Variants in LDHB observed in about 807,000 individuals in gnomAD.
The protein encoded by LDHB is lactate dehydrogenase B.
Under a neutral mutation model 33.4 loss-of-function variants are expected in LDHB, and 18 were observed. The ratio of observed to expected loss-of-function variants is 0.54; its 90% CI spans 0.37 to 0.80. LDHB has a LOEUF of 0.80. Ranked by LOEUF, LDHB falls within the 30% of genes least tolerant of loss-of-function variation. The pLI, the probability that LDHB is intolerant of heterozygous loss-of-function variation, is 0.00. For missense variants in LDHB, 345 were observed against 407.9 expected (o/e 0.85, Z 1.33); for synonymous variants, 121 against 140.6 (o/e 0.86, Z 0.98).
intron 2 of LDHB, among the ~76,000 whole-genome samples, chr12:21,648,075 A>C (rs1355325820): frequency 6.6e-6 from 1 of 152,224 alleles, no homozygotes; most frequent in Non-Finnish European, 1.5e-5. Context: ...GCATCTAAGC[A>C]ACCTTTCAGC....
chr12:21,639,639 A>G lies in LDHB; in HGVS notation c.596-1169T>C, dbSNP rs140513189. 9.9e-5 allele frequency among the ~76,000 whole-genome samples: 15 copies of G among 152,204 alleles called. No individual in the cohort carries two copies. In the East Asian group the frequency reaches 2.9e-3, roughly 29 times the overall value. On this transcript the variant is annotated intron_variant, in intron 5 of 7. Coordinates refer to ENST00000350669, the MANE Select transcript of LDHB (RefSeq NM_002300.8). ...ACTTTTTACATAGTACATAGGTGGCATAATTATCTTTATTTTATAGATGAG... is the reference window on the plus strand; with the variant it reads ...ACTTTTTACATAGTACATAGGTGGCGTAATTATCTTTATTTTATAGATGAG...
At chr12:21,637,623 G>A (rs1938253371) in intron 6 of LDHB, among the ~76,000 whole-genome samples, 1 of 152,060 alleles carries the variant, frequency 6.6e-6, no homozygotes, top group Non-Finnish European at 1.5e-5. Flanking sequence ...AGGGATAAGA[G>A]TATCTTGCCT....
At chr12:21,644,251 G>A (rs1591830529) in intron 3 of LDHB, 143 bp from the exon 4 acceptor site, 1 of 637,192 alleles carries the variant, frequency 1.6e-6, no homozygotes, top group Non-Finnish European at 2.7e-6. Flanking sequence ...GTAAGGGCTT[G>A]AAGTTTAATG....
At chr12:21,650,186 T>C (rs1468893281) in intron 2 of LDHB, among the ~76,000 whole-genome samples, 3 of 151,282 alleles carry the variant, frequency 2.0e-5, no homozygotes, top group African/African-American at 7.3e-5. Flanking sequence ...TGCATAAAAT[T>C]TTGCGGGAGG....
intron 4 of LDHB, among the ~76,000 whole-genome samples, chr12:21,642,499 TATA>T (rs1419669641): frequency 6.6e-6 from 1 of 152,152 alleles, no homozygotes; most frequent in Admixed American, 6.5e-5. Flanking sequence ...ATTCCATAAT[TATA>T]ATGATTGTCA....
At chr12:21,642,244 A>C in intron 4 of LDHB, 119 bp from the exon 5 acceptor site, 1 of 713,196 alleles carries the variant, frequency 1.4e-6, no homozygotes, top group Admixed American at 2.3e-5. Flanking sequence ...AGATGTGGCC[A>C]GAAAGATTAA....
At chr12:21,653,629 C>T (rs1938753697) in intron 2 of LDHB, among the ~76,000 whole-genome samples, 1 of 147,574 alleles carries the variant, frequency 6.8e-6, no homozygotes. Context: ...TATAAATCTA[C>T]CTATGAACAT....
In LDHB at chr12:21,635,710, C is replaced by T. The variant is rs1317667565; in HGVS notation, c.838-1G>A. ...CTTCATTCTCAATGCCATACATCCC[C>T]TGCCAGAACAACAAAGCATCGAGAT... On this transcript the variant is annotated splice_acceptor_variant, in intron 7 of 7. Transcript: ENST00000350669. LOFTEE classifies it high-confidence loss of function. 6.2e-7 allele frequency: 1 copy of T among 1,613,360 alleles called. No homozygotes were observed. Among genetic ancestry groups the T allele is most frequent in the South Asian group, 1.1e-5 (1 of 91,062 alleles).
At chr12:21,646,551 A>T (rs1193313169) in intron 3 of LDHB, among the ~76,000 whole-genome samples, 1 of 152,246 alleles carries the variant, frequency 6.6e-6, no homozygotes, top group Non-Finnish European at 1.5e-5. Context: ...TGTTAGTGAC[A>T]TATCAGTGAT....
intron 2 of LDHB, among the ~76,000 whole-genome samples, chr12:21,652,838 T>TA (rs1938733829): frequency 6.7e-6 from 1 of 148,800 alleles, no homozygotes; most frequent in South Asian, 2.1e-4. Context: ...TGCAAAAGGA[T>TA]AAAATGTTCA....
At chr12:21,638,546 A>G (rs1938280412) in intron 5 of LDHB, 76 bp from the exon 6 acceptor site, 1 of 995,280 alleles carries the variant, frequency 1.0e-6, no homozygotes, top group South Asian at 1.3e-5. Flanking sequence ...CTTTTAGTGC[A>G]ATTTCACCTA....
chr12:21,643,590 T>C (rs1017522886), intron 4 of LDHB: 4 of 249,600 alleles, frequency 1.6e-5, no homozygotes, highest in Middle Eastern at 2.9e-3. Context: ...AGGTCAAATA[T>C]GTCAAAATGT....
At chr12:21,644,220 G>A (rs2136969240) in intron 3 of LDHB, 112 bp from the exon 4 acceptor site, 1 of 732,340 alleles carries the variant, frequency 1.4e-6, no homozygotes, top group Non-Finnish European at 2.3e-6. Flanking sequence ...GAACATATAT[G>A]TGAATTAAGT....
chr12:21,638,201 C>T, intron 6 of LDHB, 152 bp downstream of exon 6: 1 of 611,590 alleles, frequency 1.6e-6, no homozygotes, highest in Non-Finnish European at 2.9e-6. Context: ...GCAAGTTTGA[C>T]CAGTGTAAAA....
At chr12:21,645,917 C>G (rs537347539) in intron 3 of LDHB, among the ~76,000 whole-genome samples, 2 of 152,270 alleles carry the variant, frequency 1.3e-5, no homozygotes, top group African/African-American at 4.8e-5. Context: ...GGTGGAGAGG[C>G]AGGCCACCCC....
chr12:21,635,466 T>C lies in LDHB; in HGVS notation c.*76A>G, dbSNP rs1591825274. The C allele has an allele frequency of 7.5e-6, 9 of 1,200,692 alleles. No homozygotes were observed. In the South Asian group the frequency reaches 9.7e-5, roughly 13 times the overall value. The allele number at this position is 1,200,692 out of a possible 1,614,324, so 74.4% of individuals were successfully genotyped here. ...GAAGATCAAAGCAAACTGTGATCCATGTACATGGATGAAAACTAAAGGCTC... is the reference window on the plus strand; with the variant it reads ...GAAGATCAAAGCAAACTGTGATCCACGTACATGGATGAAAACTAAAGGCTC... On this transcript the variant is annotated 3_prime_UTR_variant, in exon 8 of 8. Coordinates refer to ENST00000350669, the MANE Select transcript of LDHB (RefSeq NM_002300.8).
intron 2 of LDHB, among the ~76,000 whole-genome samples, chr12:21,650,125 C>T (rs1219719242): frequency 2.7e-5 from 4 of 147,008 alleles, no homozygotes; most frequent in African/African-American, 7.7e-5. Flanking sequence ...CACACACACA[C>T]ACACACACAC....
rs79867159 is a variant in LDHB, at chr12:21,641,935, C to CTTTTTTTTTTTTT, written c.595+16_595+17insAAAAAAAAAAAAA. The stretch of plus-strand genomic sequence containing the variant: ...AAACCAACATCACAAGTAATTATTT[C>CTTTTTTTTTTTTT]TTTTTTTTTTCTTTACCACTTGAGT... On this transcript the variant is annotated intron_variant, in intron 5 of 7. Coordinates refer to ENST00000350669, the MANE Select transcript of LDHB (RefSeq NM_002300.8). 1 of 1,275,686 alleles carries CTTTTTTTTTTTTT rather than the reference C, an allele frequency of 7.8e-7. No individual in the cohort carries two copies. Among genetic ancestry groups the CTTTTTTTTTTTTT allele is most frequent in the Non-Finnish European group, 1.1e-6 (1 of 917,226 alleles). The allele number at this position is 1,275,686 out of a possible 1,614,324, so 79.0% of individuals were successfully genotyped here.
At chr12:21,647,593 T>G (rs1189655066) in intron 2 of LDHB, among the ~76,000 whole-genome samples, 1 of 152,146 alleles carries the variant, frequency 6.6e-6, no homozygotes, top group African/African-American at 2.4e-5. Context: ...AGTCTCAGAT[T>G]TCTTTTGTTT....
Sources: gnomAD v4.1 joint callset for allele counts (sites outside exome capture counted in the v4.1 genomes callset) on GRCh38, gnomAD v4.1.1 for gene constraint, MANE v1.5 for transcripts, NCBI Gene and HGNC (gene_info 2026-07-23, HGNC 2026-07-21) for gene names.